Variants in C8orf34 observed in about 807,000 individuals in gnomAD.
C8orf34 encodes uncharacterized protein C8orf34.
C8orf34 carries 65 observed loss-of-function variants against 68.3 expected under a neutral mutation model. That is an observed-to-expected ratio of 0.95 (90% confidence interval 0.78 to 1.17). The LOEUF is 1.17. Ranked by LOEUF, C8orf34 falls within the 50% of genes most tolerant of loss-of-function variation. C8orf34 has a pLI of 0.00. For missense variants in C8orf34, 664 were observed against 655.4 expected, an observed-to-expected ratio of 1.01 and a Z score of -0.14; for synonymous variants, 244 against 241.2, an observed-to-expected ratio of 1.01 and a Z score of -0.11.
intron 1 of C8orf34, among the ~76,000 whole-genome samples, chr8:68,338,870 G>A (rs757881665): frequency 6.6e-6 from 1 of 151,976 alleles, no homozygotes; most frequent in Non-Finnish European, 1.5e-5. Context: ...CCTAATCTTG[G>A]TATTGTCAGT....
At chr8:68,380,159 G>A (rs1402425972) in intron 1 of C8orf34, among the ~76,000 whole-genome samples, 1 of 152,188 alleles carries the variant, frequency 6.6e-6, no homozygotes, top group African/African-American at 2.4e-5. Context: ...ACCACACCCA[G>A]CCTTCTTGTT....
chr8:68,611,856 G>A (rs1295405101), intron 7 of C8orf34, among the ~76,000 whole-genome samples: 1 of 152,082 alleles, frequency 6.6e-6, no homozygotes, highest in Non-Finnish European at 1.5e-5. Context: ...GTGAGCAGTG[G>A]CCCCCAAGAG....
intron 7 of C8orf34, among the ~76,000 whole-genome samples, chr8:68,559,443 G>T (rs1194697086): frequency 2.6e-5 from 4 of 152,180 alleles, no homozygotes; most frequent in Non-Finnish European, 5.9e-5. Flanking sequence ...TGAGGGTGGA[G>T]TTTCTGAAGA....
intron 7 of C8orf34, among the ~76,000 whole-genome samples, chr8:68,584,705 C>T (rs754998149): frequency 1.3e-4 from 20 of 152,106 alleles, no homozygotes; most frequent in Non-Finnish European, 2.4e-4. Context: ...AAACATGGCT[C>T]TTAAAATAAA....
intron 1 of C8orf34, among the ~76,000 whole-genome samples, chr8:68,382,764 CT>C (rs946859623): frequency 3.3e-5 from 5 of 152,298 alleles, no homozygotes; most frequent in Admixed American, 6.5e-5. Context: ...TAGATCTCCT[CT>C]TTTTTTATTT....
intron 10 of C8orf34, among the ~76,000 whole-genome samples, chr8:68,732,748 T>G (rs949713034): frequency 2.0e-5 from 3 of 152,220 alleles, no homozygotes; most frequent in Non-Finnish European, 4.4e-5. Context: ...TGGTGGTTAT[T>G]GTGAGGCAAG....
chr8:68,680,080 C>T (rs1195290680), intron 8 of C8orf34, among the ~76,000 whole-genome samples: 1 of 152,070 alleles, frequency 6.6e-6, no homozygotes, highest in African/African-American at 2.4e-5. Context: ...AATGAGATCA[C>T]ATCAAGTTAA....
chr8:68,739,866 A>C (rs758264561), intron 10 of C8orf34, among the ~76,000 whole-genome samples: 4 of 152,186 alleles, frequency 2.6e-5, no homozygotes, highest in Admixed American at 1.3e-4. Context: ...AAACTATACT[A>C]TAGGGCTACA....
intron 7 of C8orf34, among the ~76,000 whole-genome samples, chr8:68,615,985 T>A (rs1413997307): frequency 6.6e-6 from 1 of 151,054 alleles, no homozygotes; most frequent in Non-Finnish European, 1.5e-5. Flanking sequence ...ATTGGTCTAT[T>A]CAGAGATTAA....
rs879457992 is a variant in C8orf34 at position 68,417,540 on chromosome 8, A to T, written c.328-21959A>T. ...ATGAACAAGTAAAGTATATAAAATT[A>T]TTACTTTTATGAAAACGAGAGGAGA... On this transcript the variant is annotated intron_variant, in intron 1 of 13. Coordinates refer to ENST00000518698, the MANE Select transcript of C8orf34 (RefSeq NM_052958.4). Among the ~76,000 whole-genome samples, 191 of 152,298 alleles carry T rather than the reference A, an allele frequency of 1.3e-3. 1 individual carries two copies. Among genetic ancestry groups the T allele is most frequent in the African/African-American group, 4.5e-3 (186 of 41,580 alleles).
chr8:68,383,033 G>A (rs566403731), intron 1 of C8orf34, among the ~76,000 whole-genome samples: 1 of 152,222 alleles, frequency 6.6e-6, no homozygotes, highest in South Asian at 2.1e-4. Flanking sequence ...TAGACATTGA[G>A]TCTGCATATC....
At chr8:68,608,451 G>A (rs1422927180) in intron 7 of C8orf34, among the ~76,000 whole-genome samples, 1 of 151,962 alleles carries the variant, frequency 6.6e-6, no homozygotes, top group East Asian at 1.9e-4. Flanking sequence ...CAAAGATGCA[G>A]ATGATGAGAG....
At chr8:68,423,284 C>T (rs1359633349) in intron 1 of C8orf34, among the ~76,000 whole-genome samples, 1 of 152,114 alleles carries the variant, frequency 6.6e-6, no homozygotes, top group African/African-American at 2.4e-5. Flanking sequence ...TTTCTTCTGC[C>T]AGATACCCTA....
intron 10 of C8orf34, among the ~76,000 whole-genome samples, chr8:68,766,508 T>C (rs1388482310): frequency 3.3e-5 from 5 of 152,212 alleles, no homozygotes; most frequent in African/African-American, 1.2e-4. Flanking sequence ...AACTGATTTT[T>C]ATGAGGTCAG....
At position 68,721,358 on chromosome 8, in the gene C8orf34, T is replaced by C. The variant is rs199668114; in HGVS notation, c.1328-3T>C. 1,480 of 1,594,094 alleles carry C rather than the reference T, an allele frequency of 9.3e-4. 22 individuals carry two copies. Among genetic ancestry groups the C allele is most frequent in the South Asian group, 5.0e-3 (442 of 89,036 alleles). ...TTTATTCATTTTTTAAAAATAAAAA[T>C]AGATTCCTTGCCTGGGACTGAAGAA... is the stretch of plus-strand genomic sequence containing the variant. On this transcript the variant is annotated splice_region_variant and splice_polypyrimidine_tract_variant and intron_variant, in intron 9 of 13. Transcript: ENST00000518698.
chr8:68,722,943 C>G lies in C8orf34; in HGVS notation c.1404+1506C>G, dbSNP rs1821717042. On this transcript the variant is annotated intron_variant, in intron 10 of 13. Transcript: ENST00000518698. ...CAGTTCAGCATTTCCCATCTCTTAC[C>G]TTGGCATTTTCAACAGGATATTTTC... is the stretch of plus-strand genomic sequence containing the variant. Among the ~76,000 whole-genome samples, 4 of 151,956 alleles carry G rather than the reference C, an allele frequency of 2.6e-5. No homozygotes were observed. In the South Asian group the frequency reaches 8.3e-4, roughly 31 times the overall value.
At chr8:68,435,808 C>A (rs1225272695) in intron 1 of C8orf34, among the ~76,000 whole-genome samples, 1 of 152,094 alleles carries the variant, frequency 6.6e-6, no homozygotes, top group Non-Finnish European at 1.5e-5. Flanking sequence ...GCTTTGTAGT[C>A]GTTATCTTAT....
intron 7 of C8orf34, among the ~76,000 whole-genome samples, chr8:68,542,892 CCATTTT>C (rs1482409678): frequency 6.6e-6 from 1 of 151,966 alleles, no homozygotes; most frequent in Non-Finnish European, 1.5e-5. Flanking sequence ...TTAGAAAATG[CCATTTT>C]GTTTAAAACA....
intron 7 of C8orf34, among the ~76,000 whole-genome samples, chr8:68,586,058 A>G (rs569966336): frequency 2.0e-5 from 3 of 152,140 alleles, no homozygotes; most frequent in Non-Finnish European, 4.4e-5. Context: ...TATAATAGTA[A>G]GAACTGAGGA....
Sources: allele counts gnomAD v4.1 joint callset (sites outside exome capture counted in the v4.1 genomes callset), GRCh38; gene constraint gnomAD v4.1.1; transcripts MANE v1.5; gene names NCBI Gene and HGNC (gene_info 2026-07-23, HGNC 2026-07-21).